The following PIWIL1 variants were observed in gnomAD, a reference collection of about 807,000 sequenced individuals.
PIWIL1 encodes piwi like RNA-mediated gene silencing 1.
Under a neutral mutation model 114.4 loss-of-function variants are expected in PIWIL1, and 73 were observed. That is an observed-to-expected ratio of 0.64 (90% confidence interval 0.53 to 0.78). The LOEUF (loss-of-function observed/expected upper bound fraction) is 0.78. PIWIL1 is among the 30% of genes least tolerant of loss of function. The pLI is 0.00. For missense variants in PIWIL1, 723 were observed against 1,063.1 expected, an observed-to-expected ratio of 0.68 and a Z score of 4.45; for synonymous variants, 375 against 369.0, an observed-to-expected ratio of 1.02 and a Z score of -0.19.
At chr12:130,409,500 G>A in the PIWIL1 span, among the ~76,000 whole-genome samples, 2 of 151,804 alleles carry the variant, frequency 1.3e-5, no homozygotes, top group South Asian at 2.1e-4. Context: ...CCGCCACCAC[G>A]CCCGGCTAAT....
the PIWIL1 span, among the ~76,000 whole-genome samples, chr12:130,423,114 G>A: frequency 4.6e-5 from 7 of 152,192 alleles, no homozygotes; most frequent in African/African-American, 1.7e-4. Context: ...ACTCAGACGG[G>A]TCTCCTTTCT....
At chr12:130,389,631 A>C in the PIWIL1 span, among the ~76,000 whole-genome samples, 1 of 152,026 alleles carries the variant, frequency 6.6e-6, no homozygotes, top group Non-Finnish European at 1.5e-5. Flanking sequence ...TTTTAATTTA[A>C]AAGTATTATT....
chr12:130,355,584 TG>T lies in PIWIL1; in HGVS notation c.1325del (p.Gly442ValfsTer2). ...NDNVQRELRD[W>X]GLSFDSNLLS... The stretch of plus-strand genomic sequence containing the variant: ...TAATGTTCAAAGGGAGCTTCGAGAC[TG>T]GGGTTTGAGCTTTGATTCCAACTTA... On this transcript the variant is annotated frameshift_variant, in exon 12 of 21. Transcript: ENST00000245255. LOFTEE classifies it high-confidence loss of function. 6.2e-7 allele frequency: 1 copy of T among 1,614,056 alleles called. No homozygotes were observed. Among genetic ancestry groups the T allele is most frequent in the Non-Finnish European group, 8.5e-7 (1 of 1,179,854 alleles).
At chr12:130,399,865 C>T in the PIWIL1 span, 1 of 1,601,434 alleles carries the variant, frequency 6.2e-7, no homozygotes, top group Non-Finnish European at 8.5e-7. Context: ...TAGAAACCCA[C>T]ATCTTGCTTT....
the PIWIL1 span, among the ~76,000 whole-genome samples, chr12:130,385,620 C>T: frequency 2.6e-5 from 4 of 152,198 alleles, no homozygotes. Context: ...ATGTTCCACA[C>T]CTCAGGGCAG....
At chr12:130,399,297 A>G in the PIWIL1 span, 1 of 470,326 alleles carries the variant, frequency 2.1e-6, no homozygotes, top group Non-Finnish European at 3.3e-6. Context: ...ATGCTTGAGA[A>G]GCCCTTGGAT....
chr12:130,399,354 T>C, the PIWIL1 span, among the ~76,000 whole-genome samples: 99 of 152,294 alleles, frequency 6.5e-4, no homozygotes, highest in Non-Finnish European at 1.2e-3. Flanking sequence ...TAACCTCCAT[T>C]GCCCACCAAA....
the PIWIL1 span, among the ~76,000 whole-genome samples, chr12:130,404,790 G>A: frequency 6.6e-6 from 1 of 152,006 alleles, no homozygotes. Context: ...GTGGAGGTGG[G>A]ACTCTTTACA....
chr12:130,421,338 G>A, the PIWIL1 span, among the ~76,000 whole-genome samples: 1 of 152,104 alleles, frequency 6.6e-6, no homozygotes, highest in African/African-American at 2.4e-5. Flanking sequence ...CTGAAAATAC[G>A]GTTTCCTAAG....
In PIWIL1 at chr12:130,357,570, C is replaced by T. The variant is rs2073397004; in HGVS notation, c.1665+17C>T. The T allele has an allele frequency of 6.4e-7, 1 of 1,559,490 alleles. No homozygotes were observed. The highest frequency in any genetic ancestry group is 8.8e-7 in the Non-Finnish European group (1 of 1,131,754). On this transcript the variant is annotated intron_variant, in intron 14 of 20. Transcript: ENST00000245255. ...ACCCAGATAGTAAGTAACTAATTGACATATAGGCAGTTTTCGGTGAAAGAG... is the reference window on the plus strand; with the variant it reads ...ACCCAGATAGTAAGTAACTAATTGATATATAGGCAGTTTTCGGTGAAAGAG...
rs1475578723 is a variant in PIWIL1 at position 130,338,041 on chromosome 12, T to A, written c.-118T>A. On this transcript the variant is annotated 5_prime_UTR_variant, in exon 1 of 21. Coordinates refer to ENST00000245255, the MANE Select transcript of PIWIL1 (RefSeq NM_004764.5). The stretch of plus-strand genomic sequence containing the variant: ...CGAGGTGGGCGCGGGCCGAAGGAGG[T>A]CCTGGGAGGTCGGCGGCGCGGAGGG... The A allele has an allele frequency of 5.5e-6, 1 of 181,494 alleles. No individual in the cohort carries two copies. The highest frequency in any genetic ancestry group is 1.1e-5 in the Non-Finnish European group (1 of 87,468). 11.2% of individuals were successfully genotyped at this position (181,494 alleles called of 1,614,324 possible). A position where few individuals can be genotyped will look rare whatever the true frequency, so the allele number is the denominator to read the frequency against.
the PIWIL1 span, among the ~76,000 whole-genome samples, chr12:130,408,460 A>G: frequency 6.6e-6 from 1 of 152,222 alleles, no homozygotes; most frequent in South Asian, 2.1e-4. Flanking sequence ...CAGTCGACTT[A>G]GAGGTGCATT....
the PIWIL1 span, chr12:130,397,621 C>T: frequency 2.5e-6 from 1 of 397,976 alleles, no homozygotes; most frequent in East Asian, 3.6e-5. Flanking sequence ...TAACATCGTA[C>T]TGTCCCCGTT....
At chr12:130,378,371 A>G in the PIWIL1 span, among the ~76,000 whole-genome samples, 3 of 152,330 alleles carry the variant, frequency 2.0e-5, no homozygotes, top group South Asian at 2.1e-4. Context: ...TTCATCATCA[A>G]TCAGTGGGTG....
intron 1 of PIWIL1, 107 bp from the exon 2 acceptor site, chr12:130,342,473 T>C (rs536743449): frequency 9.3e-5 from 64 of 685,342 alleles, no homozygotes; most frequent in East Asian, 8.9e-4. Context: ...AATAATTGCC[T>C]GGGGAGCTTA....
In PIWIL1 at chr12:130,358,455, A is replaced by T. The variant is rs2073424339; in HGVS notation, c.1665+902A>T. 2.0e-5 allele frequency among the ~76,000 whole-genome samples: 3 copies of T among 152,042 alleles called. No individual in the cohort carries two copies. In the South Asian group the frequency reaches 6.2e-4, roughly 31 times the overall value. On this transcript the variant is annotated intron_variant, in intron 14 of 20. Transcript: ENST00000245255. ...ATCTTCATCAAGTGCTTCTGGCTTTATTTCCTTTTCTGAACAGATTTAGGT... is the reference window on the plus strand; with the variant it reads ...ATCTTCATCAAGTGCTTCTGGCTTTTTTTCCTTTTCTGAACAGATTTAGGT...
intron 18 of PIWIL1, among the ~76,000 whole-genome samples, chr12:130,363,635 T>TTTTTGGGG (rs71088738): frequency 7.2e-6 from 1 of 138,872 alleles, no homozygotes; most frequent in Admixed American, 7.0e-5. Flanking sequence ...TTTTTTTTTT[T>TTTTTGGGG]GAGATGGAGT....
At chr12:130,399,060 C>G in the PIWIL1 span, 1 of 958,316 alleles carries the variant, frequency 1.0e-6, no homozygotes, top group Non-Finnish European at 1.5e-6. Flanking sequence ...CACACTGGCC[C>G]GGTTAAGGTA....
chr12:130,401,483 C>A, the PIWIL1 span, among the ~76,000 whole-genome samples: 1 of 151,890 alleles, frequency 6.6e-6, no homozygotes, highest in Non-Finnish European at 1.5e-5. Context: ...CACATACTTC[C>A]TGCATCTTCC....
Sources: allele counts gnomAD v4.1 joint callset (sites outside exome capture counted in the v4.1 genomes callset), GRCh38; gene constraint gnomAD v4.1.1; transcripts MANE v1.5; gene names NCBI Gene and HGNC (gene_info 2026-07-23, HGNC 2026-07-21).